The following MAGI2 variants were observed in gnomAD, a reference collection of about 807,000 sequenced individuals.
MAGI2 encodes membrane associated guanylate kinase, WW and PDZ domain containing 2.
Under a neutral mutation model 133.3 loss-of-function variants are expected in MAGI2, and 35 were observed. That is an observed-to-expected ratio of 0.26 (90% confidence interval 0.20 to 0.35). The LOEUF (loss-of-function observed/expected upper bound fraction) is 0.35, where lower values mean the gene tolerates loss of function less well. Among genes scored for constraint, MAGI2 ranks in the 10% least tolerant of loss-of-function variants. MAGI2 has a pLI of 1.00. For synonymous variants in MAGI2, 729 were observed against 710.6 expected, an observed-to-expected ratio of 1.03 and a Z score of -0.41; for missense variants, 1,636 against 1,863.4, an observed-to-expected ratio of 0.88 and a Z score of 2.25.
chr7:78,945,284 A>G (rs1246508336), intron 2 of MAGI2, among the ~76,000 whole-genome samples: 1 of 151,544 alleles, frequency 6.6e-6, no homozygotes, highest in East Asian at 2.0e-4. Context: ...CTGGTCTCAA[A>G]CTCCTGGGCT....
At chr7:79,154,074 T>C (rs189232954) in intron 1 of MAGI2, among the ~76,000 whole-genome samples, 161 of 152,330 alleles carry the variant, frequency 1.1e-3, no homozygotes, top group Non-Finnish European at 2.0e-3. Flanking sequence ...TTCATTTTTC[T>C]GACTTAAGAA....
rs144943919 is a variant in MAGI2, at chr7:79,205,638, A to C, written c.302-198432T>G. ...GTATAAATTTCTAAGACTGAAAAAC[A>C]AAACTATTAAAAAAAAGACTACAAT... is the stretch of plus-strand genomic sequence containing the variant. On this transcript the variant is annotated intron_variant, in intron 1 of 21. Transcript: ENST00000354212. Among the ~76,000 whole-genome samples, 1,180 of 152,030 alleles carry C rather than the reference A, an allele frequency of 7.8e-3. 21 individuals are homozygous for C. The highest frequency in any genetic ancestry group is 0.027 in the African/African-American group (1,108 of 41,420).
chr7:78,689,915 T>C (rs531657494), intron 2 of MAGI2, among the ~76,000 whole-genome samples: 3 of 152,078 alleles, frequency 2.0e-5, no homozygotes, highest in African/African-American at 7.2e-5. Flanking sequence ...GTATTTCTTT[T>C]GGTTAAACCA....
intron 21 of MAGI2, among the ~76,000 whole-genome samples, chr7:78,076,813 TCCGCAGTC>T (rs1451497195): frequency 8.7e-6 from 1 of 114,814 alleles, no homozygotes; most frequent in Non-Finnish European, 1.6e-5. Flanking sequence ...GCCACTGCAG[TCCGCAGTC>T]CGGCCTGGGC....
At chr7:79,315,325 A>ATTTTTTTTTTTTTT (rs775143230) in intron 1 of MAGI2, among the ~76,000 whole-genome samples, 1 of 92,496 alleles carries the variant, frequency 1.1e-5, no homozygotes. Flanking sequence ...TGCCCAGTTA[A>ATTTTTTTTTTTTTT]TTTTTTTTTT....
At chr7:78,615,263 C>A (rs929994477) in intron 3 of MAGI2, 7 of 152,130 alleles carry the variant, frequency 4.6e-5, no homozygotes, top group Admixed American at 6.6e-5. Flanking sequence ...AATTATCTAA[C>A]CTGTATACAC....
At chr7:78,899,971 T>C (rs552176712) in intron 2 of MAGI2, among the ~76,000 whole-genome samples, 1 of 152,340 alleles carries the variant, frequency 6.6e-6, no homozygotes, top group Non-Finnish European at 1.5e-5. Context: ...TTAAAATTTT[T>C]ATCACACTCA....
intron 1 of MAGI2, among the ~76,000 whole-genome samples, chr7:79,102,886 T>A (rs913459373): frequency 6.6e-6 from 1 of 152,212 alleles, no homozygotes; most frequent in East Asian, 1.9e-4. Context: ...CTATAATCAG[T>A]TGATTTTTAA....
At chr7:79,004,560 A>G (rs1023924600) in intron 2 of MAGI2, among the ~76,000 whole-genome samples, 1 of 152,190 alleles carries the variant, frequency 6.6e-6, no homozygotes, top group African/African-American at 2.4e-5. Flanking sequence ...ACTATAGTAG[A>G]CAACAGTGTA....
chr7:78,228,964 T>C (rs958616014), intron 10 of MAGI2, among the ~76,000 whole-genome samples: 2 of 152,282 alleles, frequency 1.3e-5, no homozygotes, highest in Admixed American at 1.3e-4. Flanking sequence ...AAACATCTTC[T>C]AGGAAGGTGG....
chr7:78,411,283 C>A (rs1797850590), intron 6 of MAGI2, among the ~76,000 whole-genome samples: 1 of 151,936 alleles, frequency 6.6e-6, no homozygotes, highest in Admixed American at 6.6e-5. Flanking sequence ...AAGATAGCAT[C>A]TCGTACTGTA....
intron 6 of MAGI2, among the ~76,000 whole-genome samples, chr7:78,391,724 A>G (rs1178871791): frequency 6.6e-6 from 1 of 152,158 alleles, no homozygotes; most frequent in East Asian, 1.9e-4. Context: ...ATAACACAGA[A>G]TTTTACTCTT....
At chr7:78,032,425 G>T (rs1286555080) in intron 21 of MAGI2, among the ~76,000 whole-genome samples, 1 of 152,078 alleles carries the variant, frequency 6.6e-6, no homozygotes, top group African/African-American at 2.4e-5. Context: ...ATGTTGCCCA[G>T]GATGGTCTTG....
intron 2 of MAGI2, among the ~76,000 whole-genome samples, chr7:78,871,752 T>C (rs1327714065): frequency 6.6e-6 from 1 of 152,148 alleles, no homozygotes; most frequent in Non-Finnish European, 1.5e-5. Flanking sequence ...AGTTACCATT[T>C]GCATGTAAAT....
intron 10 of MAGI2, among the ~76,000 whole-genome samples, chr7:78,235,590 T>C (rs1483096992): frequency 6.6e-6 from 1 of 152,182 alleles, no homozygotes; most frequent in Non-Finnish European, 1.5e-5. Context: ...CCTGCTGCCA[T>C]GTGAAGAAGG....
intron 1 of MAGI2, among the ~76,000 whole-genome samples, chr7:79,143,050 C>A (rs763797241): frequency 2.0e-5 from 3 of 152,064 alleles, no homozygotes; most frequent in Non-Finnish European, 2.9e-5. Context: ...GATAAATGAA[C>A]AAAGAGTGAA....
chr7:78,076,946 C>T (rs1037368004), intron 21 of MAGI2, among the ~76,000 whole-genome samples: 2 of 137,142 alleles, frequency 1.5e-5, no homozygotes, highest in Non-Finnish European at 3.1e-5. Flanking sequence ...GTTTTTATTT[C>T]TTCTTCATGA....
At chr7:78,748,440 C>T (rs912592497) in intron 2 of MAGI2, among the ~76,000 whole-genome samples, 1 of 152,164 alleles carries the variant, frequency 6.6e-6, no homozygotes, top group Admixed American at 6.5e-5. Context: ...TGAGCGCAGT[C>T]CTATTATCGC....
chr7:78,515,414 C>G (rs1795954242), intron 4 of MAGI2, among the ~76,000 whole-genome samples: 1 of 151,890 alleles, frequency 6.6e-6, no homozygotes, highest in Non-Finnish European at 1.5e-5. Flanking sequence ...ATCCTTCAAA[C>G]TTAGGAAACA....
Sources: allele counts gnomAD v4.1 joint callset (sites outside exome capture counted in the v4.1 genomes callset), GRCh38; gene constraint gnomAD v4.1.1; transcripts MANE v1.5; gene names NCBI Gene and HGNC (gene_info 2026-07-23, HGNC 2026-07-21).